The following NLK variants were observed in gnomAD, a reference collection of about 807,000 sequenced individuals.
NLK encodes the protein serine/threonine-protein kinase NLK.
NLK carries 11 observed loss-of-function variants against 59.0 expected under a neutral mutation model. That is an observed-to-expected ratio of 0.19 (90% CI 0.12 to 0.31). The LOEUF (loss-of-function observed/expected upper bound fraction) is 0.31. NLK is among the 10% of genes least tolerant of loss of function. The pLI, the probability that NLK is intolerant of heterozygous loss-of-function variation, is 1.00. For synonymous variants in NLK, 235 were observed against 235.9 expected (o/e 1.00, Z 0.03); for missense variants, 410 against 661.1 (o/e 0.62, Z 4.16).
At chr17:28,043,474 T>A in intron 1 of NLK, 143 bp downstream of exon 1, 1 of 729,082 alleles carries the variant, frequency 1.4e-6, no homozygotes, top group East Asian at 2.8e-5. Flanking sequence ...CCCTCACTTA[T>A]GTGGTAAAGA....
chr17:28,118,719 T>C (rs1905890391), intron 1 of NLK, among the ~76,000 whole-genome samples: 1 of 152,202 alleles, frequency 6.6e-6, no homozygotes, highest in Admixed American at 6.5e-5. Context: ...TGTATCTCTC[T>C]GAAAAAGGAC....
chr17:28,175,281 T>TA (rs1422454572), intron 7 of NLK, among the ~76,000 whole-genome samples: 10 of 149,022 alleles, frequency 6.7e-5, no homozygotes, highest in African/African-American at 2.2e-4. Context: ...CCGTCTCTAC[T>TA]AAAAAAATAC....
Position 28,195,263 on chromosome 17 carries a change from A to G in NLK, c.*627A>G, listed in dbSNP as rs1909448359. 6.6e-6 allele frequency: 1 copy of G among 151,942 alleles called. No homozygotes were observed. The highest frequency in any genetic ancestry group is 3.1e-3 in the Middle Eastern group (1 of 318). 9.4% of individuals were successfully genotyped at this position (151,942 alleles called of 1,614,324 possible). On this transcript the variant is annotated 3_prime_UTR_variant, in exon 11 of 11. Coordinates refer to ENST00000407008, the MANE Select transcript of NLK (RefSeq NM_016231.5). ...CTAAAATCCAATGTTGTGGGTAGAG[A>G]GAATGAGTTTGTGACTAGGAGAGAC...
At chr17:28,047,561 G>A (rs1267360886) in intron 1 of NLK, among the ~76,000 whole-genome samples, 1 of 152,154 alleles carries the variant, frequency 6.6e-6, no homozygotes, top group Non-Finnish European at 1.5e-5. Context: ...TTTTCAGAAT[G>A]TAACAAATGA....
At chr17:28,115,590 G>T (rs1024770025) in intron 1 of NLK, among the ~76,000 whole-genome samples, 1 of 152,014 alleles carries the variant, frequency 6.6e-6, no homozygotes, top group Non-Finnish European at 1.5e-5. Context: ...TTTCAAAACC[G>T]ACCTATCCTT....
chr17:28,183,660 A>G (rs1909001676), intron 7 of NLK, among the ~76,000 whole-genome samples: 1 of 152,126 alleles, frequency 6.6e-6, no homozygotes, highest in South Asian at 2.1e-4. Flanking sequence ...ATTTGAGTTG[A>G]TTCTCATATG....
chr17:28,046,296 T>A (rs1432466363), intron 1 of NLK, among the ~76,000 whole-genome samples: 1 of 152,224 alleles, frequency 6.6e-6, no homozygotes, highest in Non-Finnish European at 1.5e-5. Flanking sequence ...AGTAGTGAAT[T>A]ACTCATTAGC....
chr17:28,169,600 T>C (rs1332840791), intron 6 of NLK, among the ~76,000 whole-genome samples: 1 of 152,180 alleles, frequency 6.6e-6, no homozygotes, highest in Non-Finnish European at 1.5e-5. Context: ...AATAATGTAG[T>C]AACTATGAGC....
intron 1 of NLK, among the ~76,000 whole-genome samples, chr17:28,084,564 C>T (rs1910449444): frequency 6.6e-6 from 1 of 151,652 alleles, no homozygotes. Context: ...GTCCCACTAC[C>T]TTTTCTTTTT....
intron 1 of NLK, among the ~76,000 whole-genome samples, chr17:28,063,675 A>G (rs1909740583): frequency 6.6e-6 from 1 of 152,208 alleles, no homozygotes; most frequent in South Asian, 2.1e-4. Context: ...CACCCTCATA[A>G]AAATTCAATT....
At chr17:28,111,261 G>A (rs189320259) in intron 1 of NLK, among the ~76,000 whole-genome samples, 13 of 149,502 alleles carry the variant, frequency 8.7e-5, no homozygotes, top group Admixed American at 1.3e-4. Context: ...ATCTCAGCTC[G>A]CTGCAACCTC....
intron 3 of NLK, among the ~76,000 whole-genome samples, chr17:28,160,277 AT>A: frequency 6.6e-6 from 1 of 152,312 alleles, no homozygotes; most frequent in East Asian, 1.9e-4. Flanking sequence ...TTGAAAAACA[AT>A]TTTTAGTTGT....
chr17:28,160,803 T>C (rs1475060145), intron 3 of NLK, among the ~76,000 whole-genome samples: 1 of 152,224 alleles, frequency 6.6e-6, no homozygotes, highest in Non-Finnish European at 1.5e-5. Context: ...CCCATTTGTT[T>C]GGATTCAAAG....
chr17:28,059,889 A>G (rs1909570311), intron 1 of NLK, among the ~76,000 whole-genome samples: 1 of 152,256 alleles, frequency 6.6e-6, no homozygotes, highest in African/African-American at 2.4e-5. Context: ...CATCATACAG[A>G]TAAAATAGGT....
At chr17:28,178,670 C>A (rs1373737697) in intron 7 of NLK, among the ~76,000 whole-genome samples, 2 of 152,152 alleles carry the variant, frequency 1.3e-5, no homozygotes, top group Non-Finnish European at 2.9e-5. Flanking sequence ...GAAGATAGTC[C>A]TGTCTCCTGA....
At chr17:28,171,691 A>T (rs1480903099) in intron 6 of NLK, among the ~76,000 whole-genome samples, 1 of 152,182 alleles carries the variant, frequency 6.6e-6, no homozygotes, top group African/African-American at 2.4e-5. Flanking sequence ...TGATTTGTGG[A>T]TTAGCACCTT....
intron 1 of NLK, among the ~76,000 whole-genome samples, chr17:28,092,920 C>T (rs567155139): frequency 1.3e-5 from 2 of 151,960 alleles, no homozygotes; most frequent in East Asian, 1.9e-4. Context: ...CTCAGCCTCC[C>T]GAGTAGCTGG....
chr17:28,071,683 G>T (rs770650949), intron 1 of NLK, among the ~76,000 whole-genome samples: 1 of 152,144 alleles, frequency 6.6e-6, no homozygotes, highest in Non-Finnish European at 1.5e-5. Flanking sequence ...TTCACTTAAG[G>T]CACCATGTTA....
chr17:28,117,654 T>C (rs1183772367), intron 1 of NLK, among the ~76,000 whole-genome samples: 2 of 152,226 alleles, frequency 1.3e-5, no homozygotes, highest in African/African-American at 4.8e-5. Context: ...TTGGTTTAGC[T>C]ATCATATAAG....
Sources: allele counts gnomAD v4.1 joint callset (sites outside exome capture counted in the v4.1 genomes callset), GRCh38; gene constraint gnomAD v4.1.1; transcripts MANE v1.5; gene names NCBI Gene and HGNC (gene_info 2026-07-23, HGNC 2026-07-21).